Variants in OR7E24 observed in about 807,000 individuals in gnomAD.
OR7E24 encodes the protein olfactory receptor 7E24.
For missense variants in OR7E24, 385 were observed against 410.3 expected (o/e 0.94, Z 0.53); for synonymous variants, 130 against 157.5 (o/e 0.83, Z 1.31).
chr19:9,210,078 T>C, the OR7E24 span: 1 of 152,298 alleles, frequency 6.6e-6, no homozygotes, highest in East Asian at 1.9e-4. Flanking sequence ...CCAAACATTT[T>C]AAAAGCTCCC....
At chr19:9,233,347 A>G in the OR7E24 span, among the ~76,000 whole-genome samples, 2 of 152,140 alleles carry the variant, frequency 1.3e-5, no homozygotes, top group African/African-American at 2.4e-5. Flanking sequence ...GATTTATGTA[A>G]GTTTTGAATA....
the OR7E24 span, among the ~76,000 whole-genome samples, chr19:9,240,911 G>A: frequency 7.2e-5 from 11 of 151,734 alleles, no homozygotes; most frequent in East Asian, 1.9e-4. Flanking sequence ...TCTGCCTCCC[G>A]GGTTCAAGTG....
the OR7E24 span, chr19:9,214,178 CTG>C: frequency 3.7e-6 from 6 of 1,614,022 alleles, no homozygotes; most frequent in Admixed American, 1.7e-5. Flanking sequence ...AGGAGACAAT[CTG>C]AGAGTAGGAG....
the OR7E24 span, among the ~76,000 whole-genome samples, chr19:9,220,510 T>C: frequency 6.6e-5 from 10 of 152,214 alleles, no homozygotes; most frequent in Non-Finnish European, 1.5e-5. Context: ...CACAATGTTC[T>C]CTGAGTTCAT....
At chr19:9,228,770 T>C in the OR7E24 span, among the ~76,000 whole-genome samples, 1 of 152,032 alleles carries the variant, frequency 6.6e-6, no homozygotes, top group Admixed American at 6.6e-5. Context: ...GGGGAGAAAA[T>C]GGGGAGATGC....
At chr19:9,239,245 C>T in the OR7E24 span, among the ~76,000 whole-genome samples, 1 of 152,074 alleles carries the variant, frequency 6.6e-6, no homozygotes, top group East Asian at 1.9e-4. Context: ...TCTTGGCTCA[C>T]TGCAAGCTCC....
the OR7E24 span, among the ~76,000 whole-genome samples, chr19:9,221,013 G>A: frequency 6.6e-6 from 1 of 152,078 alleles, no homozygotes; most frequent in East Asian, 1.9e-4. Context: ...AGTGGCTCAC[G>A]CCTGTAATCC....
Position 9,251,829 on chromosome 19 carries a change from C to T in OR7E24, c.786C>T (p.His262=). ...KYKAFSTCGS[H]LAVVCLFYGT... is the part of the protein sequence containing the mutation. ...AAGCCTTCTCCACCTGTGGCTCTCA[C>T]CTGGCAGTTGTTTGCTTATTTTATG... The change falls in exon 1 of 1, where the codon CAC becomes CAT. Residue 262 remains histidine (H), a synonymous_variant. Transcript: ENST00000456448. The T allele has an allele frequency of 6.2e-7, 1 of 1,613,796 alleles. No individual in the cohort carries two copies.
chr19:9,249,147 G>A (rs758868), upstream of OR7E24, among the ~76,000 whole-genome samples: 1 of 152,142 alleles, frequency 6.6e-6, no homozygotes, highest in Admixed American at 6.5e-5. Flanking sequence ...AAATATCCAG[G>A]AACCTAGCTA....
the OR7E24 span, among the ~76,000 whole-genome samples, chr19:9,242,077 C>T: frequency 6.6e-6 from 1 of 152,138 alleles, no homozygotes; most frequent in East Asian, 1.9e-4. Context: ...AAAAATTACC[C>T]ATTTGCATGT....
chr19:9,246,466 TTGTGTGTG>T (rs34518365), upstream of OR7E24, among the ~76,000 whole-genome samples: 1,076 of 131,034 alleles, frequency 8.2e-3, 8 homozygotes, highest in African/African-American at 0.026. Flanking sequence ...CTTAAAGGTA[TTGTGTGTG>T]TGTGTGTGTG....
At chr19:9,225,417 G>A in the OR7E24 span, among the ~76,000 whole-genome samples, 5 of 147,228 alleles carry the variant, frequency 3.4e-5, no homozygotes, top group Non-Finnish European at 7.5e-5. Flanking sequence ...AGGAGGGGAA[G>A]GAAGGGAAGG....
the OR7E24 span, among the ~76,000 whole-genome samples, chr19:9,223,769 T>G: frequency 2.0e-5 from 3 of 147,818 alleles, no homozygotes; most frequent in African/African-American, 7.5e-5. Flanking sequence ...ACAGGACATC[T>G]CCTGCTCCCC....
At chr19:9,239,711 T>TC in the OR7E24 span, among the ~76,000 whole-genome samples, 4 of 144,472 alleles carry the variant, frequency 2.8e-5, no homozygotes, top group African/African-American at 5.1e-5. Flanking sequence ...CTTTTTCTTT[T>TC]TTTTTTTTTT....
At chr19:9,247,140 A>G (rs2066132750), upstream of OR7E24, among the ~76,000 whole-genome samples, 1 of 152,230 alleles carries the variant, frequency 6.6e-6, no homozygotes, top group Admixed American at 6.5e-5. Context: ...AGTGAATAGT[A>G]CACTCAGGAT....
chr19:9,214,163 T>C, the OR7E24 span: 1 of 1,614,038 alleles, frequency 6.2e-7, no homozygotes, highest in Non-Finnish European at 8.5e-7. Flanking sequence ...ACATTCCCAT[T>C]AAGGAGGAGA....
chr19:9,222,645 G>A, the OR7E24 span, among the ~76,000 whole-genome samples: 218 of 152,050 alleles, frequency 1.4e-3, 2 homozygotes, highest in Middle Eastern at 3.4e-3. Flanking sequence ...TTTATATGTC[G>A]ATTATGTATC....
chr19:9,252,087 T>C lies in OR7E24; in HGVS notation c.*24T>C, dbSNP rs751523150. The C allele has an allele frequency of 1.3e-6, 2 of 1,590,562 alleles. No individual in the cohort carries two copies. Among genetic ancestry groups the C allele is most frequent in the African/African-American group, 1.3e-5 (1 of 74,334 alleles). On this transcript the variant is annotated 3_prime_UTR_variant, in exon 1 of 1. Transcript: ENST00000456448. Reference sequence around the variant, plus strand: ...AGAAATGGCAGCAAAATTTAACACCTAGGCCTGCAAATTCTGCCTCCTTGG... The same window carrying C: ...AGAAATGGCAGCAAAATTTAACACCCAGGCCTGCAAATTCTGCCTCCTTGG...
At chr19:9,228,002 C>T in the OR7E24 span, among the ~76,000 whole-genome samples, 1 of 151,978 alleles carries the variant, frequency 6.6e-6, no homozygotes, top group Non-Finnish European at 1.5e-5. Context: ...ATCCGCCCGC[C>T]TCGGCCTCCC....
Sources: allele counts gnomAD v4.1 joint callset (sites outside exome capture counted in the v4.1 genomes callset), GRCh38; gene constraint gnomAD v4.1.1; transcripts MANE v1.5; gene names NCBI Gene and HGNC (gene_info 2026-07-23, HGNC 2026-07-21).